TBC1D1: variants seen among roughly 807,000 people sequenced by gnomAD.
TBC1D1 encodes TBC1 (tre-2/USP6, BUB2, cdc16) domain family, member 1.
TBC1D1 carries 89 observed loss-of-function variants against 125.6 expected under a neutral mutation model. That is an observed-to-expected ratio of 0.71 (90% CI 0.60 to 0.85). The LOEUF is 0.85. Among genes scored for constraint, TBC1D1 ranks in the 40% least tolerant of loss-of-function variants. The pLI is 0.00. For missense variants in TBC1D1, 1,377 were observed against 1,469.2 expected, an observed-to-expected ratio of 0.94 and a Z score of 1.03; for synonymous variants, 565 against 564.1, an observed-to-expected ratio of 1.00 and a Z score of -0.02.
chr4:37,953,687 CA>C (rs1244814359), intron 2 of TBC1D1, among the ~76,000 whole-genome samples: 12 of 152,146 alleles, frequency 7.9e-5, no homozygotes. Flanking sequence ...GTAAATTCTA[CA>C]GAACCTTAGA....
intron 6 of TBC1D1, among the ~76,000 whole-genome samples, chr4:38,022,494 C>A (rs556962782): frequency 6.6e-6 from 1 of 152,312 alleles, no homozygotes; most frequent in South Asian, 2.1e-4. Context: ...TGCCACCAAC[C>A]ATTTCCAGGA....
At chr4:38,002,506 A>G (rs749406933) in intron 2 of TBC1D1, among the ~76,000 whole-genome samples, 3 of 152,206 alleles carry the variant, frequency 2.0e-5, no homozygotes, top group Admixed American at 6.5e-5. Context: ...TCTAAGACCT[A>G]TTTGAAATAT....
intron 7 of TBC1D1, among the ~76,000 whole-genome samples, chr4:38,034,970 A>G (rs1746922017): frequency 1.3e-5 from 2 of 152,292 alleles, no homozygotes; most frequent in Middle Eastern, 3.4e-3. Flanking sequence ...GCTTGGCTTC[A>G]CACTTCTCGG....
At chr4:37,908,730 G>A (rs185581278) in intron 2 of TBC1D1, among the ~76,000 whole-genome samples, 3 of 152,208 alleles carry the variant, frequency 2.0e-5, no homozygotes, top group Admixed American at 1.3e-4. Flanking sequence ...GTAATTGCTA[G>A]CCTGGTTCCT....
intron 2 of TBC1D1, among the ~76,000 whole-genome samples, chr4:37,965,560 G>GCATTCTTTTTTATACTTGTGTTGT (rs1228826863): frequency 6.6e-6 from 1 of 151,950 alleles, no homozygotes; most frequent in African/African-American, 2.4e-5. Context: ...CACTGAGTTG[G>GCATTCTTTTTTATACTTGTGTTGT]CATTCTTTTT....
At chr4:38,109,567 C>T (rs760245877) in intron 15 of TBC1D1, among the ~76,000 whole-genome samples, 2 of 152,170 alleles carry the variant, frequency 1.3e-5, no homozygotes, top group Non-Finnish European at 2.9e-5. Context: ...TCCCACACCC[C>T]ATTTTAAACT....
In TBC1D1 at chr4:38,014,550, C is replaced by T. The variant is rs749528909; in HGVS notation, c.459C>T (p.Ile153=). The change falls in exon 3 of 20, where the codon ATC becomes ATT. Residue 153 remains isoleucine (I), a synonymous_variant. Coordinates refer to ENST00000261439, the MANE Select transcript of TBC1D1 (RefSeq NM_015173.4). This position sits in a 1 kb window ranked among gnomAD's most constrained non-coding sequence, Gnocchi z 5.1. ...GCTCCATCCGTCAGGCGGGGAAGAT[C>T]GCCCGGCAGGAGGAGCTGCACTGCC... 1.5e-5 allele frequency: 25 copies of T among 1,613,136 alleles called. No individual in the cohort carries two copies. Among genetic ancestry groups the T allele is most frequent in the Non-Finnish European group, 2.0e-5 (24 of 1,180,002 alleles).
chr4:38,137,390 G>A lies in TBC1D1; in HGVS notation c.*55G>A. The A allele has an allele frequency of 6.8e-7, 1 of 1,466,344 alleles. No individual in the cohort carries two copies. Among genetic ancestry groups the A allele is most frequent in the Admixed American group, 2.3e-5 (1 of 43,916 alleles). The allele number at this position is 1,466,344 out of a possible 1,614,324, so 90.8% of individuals were successfully genotyped here. On this transcript the variant is annotated 3_prime_UTR_variant, in exon 20 of 20. Coordinates refer to ENST00000261439, the MANE Select transcript of TBC1D1 (RefSeq NM_015173.4). Reference sequence around the variant, plus strand: ...CCCACACTGTCCAGGCCTTAACTGAGAGGGACAGAAGACGCTGGAAGGAGA... The same window carrying A: ...CCCACACTGTCCAGGCCTTAACTGAAAGGGACAGAAGACGCTGGAAGGAGA...
intron 12 of TBC1D1, among the ~76,000 whole-genome samples, chr4:38,060,382 C>T (rs1472870696): frequency 6.6e-6 from 1 of 152,238 alleles, no homozygotes; most frequent in Admixed American, 6.5e-5. Context: ...ACCTCACCAG[C>T]ATCTGTTGTT....
chr4:37,909,822 T>A (rs1486566314), intron 2 of TBC1D1, among the ~76,000 whole-genome samples: 4 of 152,192 alleles, frequency 2.6e-5, no homozygotes, highest in African/African-American at 7.2e-5. Context: ...AAATTTTCAT[T>A]TGGGGTCCCA....
chr4:37,945,512 C>CAAAAAAAA lies in TBC1D1; in HGVS notation c.417+43032_417+43039dup. ...TGGGCAACAGAGAGAGACTCCACCT[C>CAAAAAAAA]AAAAAAAAAAAAAAAAAAAAAAAAA... On this transcript the variant is annotated intron_variant, in intron 2 of 19. Coordinates refer to ENST00000261439, the MANE Select transcript of TBC1D1 (RefSeq NM_015173.4). Among the ~76,000 whole-genome samples the CAAAAAAAA allele has an allele frequency of 4.8e-4, 10 of 20,692 alleles. 3 individuals are homozygous for CAAAAAAAA. The highest frequency in any genetic ancestry group is 2.8e-3 in the East Asian group (2 of 714). 13.6% of individuals were successfully genotyped at this position (20,692 alleles called of 152,430 possible). A position where few individuals can be genotyped will look rare whatever the true frequency, so the allele number is the denominator to read the frequency against.
At chr4:38,008,828 T>C (rs978587058) in intron 2 of TBC1D1, among the ~76,000 whole-genome samples, 2 of 152,226 alleles carry the variant, frequency 1.3e-5, no homozygotes, top group African/African-American at 4.8e-5. Context: ...ATGTTTGTGT[T>C]CTGGCACCTG....
chr4:37,905,744 A>G (rs1350613773), intron 2 of TBC1D1, among the ~76,000 whole-genome samples: 1 of 152,252 alleles, frequency 6.6e-6, no homozygotes, highest in African/African-American at 2.4e-5. Context: ...TGACCAGTCC[A>G]CTTTCGCTTT....
intron 17 of TBC1D1, chr4:38,120,004 A>T (rs996804875): frequency 2.0e-6 from 2 of 985,344 alleles, no homozygotes; most frequent in Non-Finnish European, 2.4e-6. Context: ...TTAACAAACA[A>T]GCAGACTCCA....
chr4:38,108,764 A>G (rs193050654), intron 15 of TBC1D1, among the ~76,000 whole-genome samples: 1 of 152,270 alleles, frequency 6.6e-6, no homozygotes, highest in African/African-American at 2.4e-5. Flanking sequence ...TAGAATCCAT[A>G]AAAGGTAAGA....
At chr4:37,982,161 C>T (rs1425272097) in intron 2 of TBC1D1, among the ~76,000 whole-genome samples, 1 of 152,146 alleles carries the variant, frequency 6.6e-6, no homozygotes, top group Non-Finnish European at 1.5e-5. Context: ...CAGACTAGAC[C>T]AGCCCACCTT....
At chr4:38,055,147 C>T (rs769819465) in intron 12 of TBC1D1, 2 of 152,150 alleles carry the variant, frequency 1.3e-5, no homozygotes, top group Non-Finnish European at 2.9e-5. Context: ...CCTTGGTGCC[C>T]GCTGTGACCA....
intron 2 of TBC1D1, among the ~76,000 whole-genome samples, chr4:37,946,264 G>A (rs994646644): frequency 1.3e-5 from 2 of 152,226 alleles, no homozygotes; most frequent in African/African-American, 4.8e-5. Flanking sequence ...GGTCTTTGCA[G>A]CACTGTGGGG....
intron 2 of TBC1D1, among the ~76,000 whole-genome samples, chr4:37,911,566 C>T (rs1318190135): frequency 6.6e-6 from 1 of 152,160 alleles, no homozygotes; most frequent in African/African-American, 2.4e-5. Context: ...TGCAGGGACC[C>T]TTTCCTGGCC....
Sources: allele counts gnomAD v4.1 joint callset (sites outside exome capture counted in the v4.1 genomes callset), GRCh38; gene constraint gnomAD v4.1.1; non-coding constraint Gnocchi (gnomAD v3.1); transcripts MANE v1.5; gene names NCBI Gene and HGNC (gene_info 2026-07-23, HGNC 2026-07-21).